The following RYR2 variants were observed in gnomAD, a reference collection of about 807,000 sequenced individuals.
RYR2 encodes the protein cardiac muscle ryanodine receptor-calcium release channel.
Under a neutral mutation model 601.1 loss-of-function variants are expected in RYR2, and 227 were observed. The ratio of observed to expected loss-of-function variants is 0.38; its 90% CI spans 0.34 to 0.42. RYR2 has a LOEUF of 0.42. RYR2 is among the 10% of genes least tolerant of loss of function. The pLI, the probability that RYR2 is intolerant of heterozygous loss-of-function variation, is 1.00. For missense variants in RYR2, 4,646 were observed against 6,156.5 expected (o/e 0.75, Z 8.21); for synonymous variants, 2,223 against 2,175.1 (o/e 1.02, Z -0.61).
intron 1 of RYR2, among the ~76,000 whole-genome samples, chr1:237,066,495 G>A (rs1159155867): frequency 3.9e-5 from 6 of 152,232 alleles, no homozygotes; most frequent in South Asian, 2.1e-4. Flanking sequence ...CCACACCCTC[G>A]TCAGCATTTG....
At chr1:237,549,962 T>C (rs1019116778) in intron 26 of RYR2, among the ~76,000 whole-genome samples, 3 of 152,218 alleles carry the variant, frequency 2.0e-5, no homozygotes, top group Non-Finnish European at 4.4e-5. Flanking sequence ...CAGTTTAACA[T>C]TGGAGCCTCT....
intron 1 of RYR2, among the ~76,000 whole-genome samples, chr1:237,056,267 A>C (rs947466838): frequency 2.1e-5 from 3 of 144,726 alleles, no homozygotes; most frequent in African/African-American, 7.9e-5. Context: ...TGCATGTGTG[A>C]GGACTAGAGA....
intron 14 of RYR2, among the ~76,000 whole-genome samples, chr1:237,453,898 C>T (rs1340614155): frequency 3.3e-5 from 5 of 151,918 alleles, no homozygotes; most frequent in East Asian, 1.9e-4. Flanking sequence ...ATATATTTAC[C>T]GTTTCATAAG....
chr1:237,742,270 C>CTTTTT, intron 79 of RYR2, 26 bp from the exon 80 acceptor site: 2 of 1,183,484 alleles, frequency 1.7e-6, no homozygotes, highest in Non-Finnish European at 2.3e-6. Flanking sequence ...TTCCTGTCTC[C>CTTTTT]TTTTTTTTTT....
chr1:237,193,497 C>T (rs372933932), intron 1 of RYR2, among the ~76,000 whole-genome samples: 1 of 152,074 alleles, frequency 6.6e-6, no homozygotes, highest in South Asian at 2.1e-4. Flanking sequence ...TTTTGAGTGA[C>T]TCCTTCTAAC....
chr1:237,604,275 A>T (rs868209498), intron 35 of RYR2, among the ~76,000 whole-genome samples: 2 of 152,356 alleles, frequency 1.3e-5, no homozygotes, highest in Middle Eastern at 3.4e-3. Context: ...AACTCACTCA[A>T]AACCACTCAA....
At chr1:237,378,704 A>G (rs1701223094) in intron 8 of RYR2, among the ~76,000 whole-genome samples, 1 of 152,248 alleles carries the variant, frequency 6.6e-6, no homozygotes, top group Non-Finnish European at 1.5e-5. Context: ...CCTTTGTTCT[A>G]TAAACATGAA....
chr1:237,766,324 C>T (rs1316674590), intron 84 of RYR2, among the ~76,000 whole-genome samples: 1 of 152,118 alleles, frequency 6.6e-6, no homozygotes, highest in Non-Finnish European at 1.5e-5. Flanking sequence ...TGCTAGACTC[C>T]ACTAACAGTA....
intron 3 of RYR2, among the ~76,000 whole-genome samples, chr1:237,348,555 C>T (rs1698494103): frequency 6.6e-6 from 1 of 152,160 alleles, no homozygotes; most frequent in South Asian, 2.1e-4. Context: ...TGAAAACCTG[C>T]CTTCAATCTA....
intron 3 of RYR2, among the ~76,000 whole-genome samples, chr1:237,332,792 G>T (rs939361675): frequency 6.6e-6 from 1 of 152,094 alleles, no homozygotes; most frequent in Non-Finnish European, 1.5e-5. Context: ...ATGAGGTTGG[G>T]CTGGGCAAAT....
At chr1:237,661,562 G>C (rs762991319) in intron 56 of RYR2, among the ~76,000 whole-genome samples, 2 of 152,212 alleles carry the variant, frequency 1.3e-5, no homozygotes, top group Non-Finnish European at 2.9e-5. Flanking sequence ...AATGAAAACA[G>C]TACATCATGT....
intron 48 of RYR2, among the ~76,000 whole-genome samples, 172 bp downstream of exon 48, chr1:237,643,619 C>CAT (rs1681808034): frequency 6.8e-6 from 1 of 147,338 alleles, no homozygotes; most frequent in Non-Finnish European, 1.5e-5. Flanking sequence ...TAATTTTTTC[C>CAT]TTTTTTTTTT....
chr1:237,465,220 C>T (rs1418516090), intron 16 of RYR2, among the ~76,000 whole-genome samples: 1 of 148,810 alleles, frequency 6.7e-6, no homozygotes, highest in Non-Finnish European at 1.5e-5. Flanking sequence ...ATCTTTTACT[C>T]ATTAACAGAT....
chr1:237,111,896 A>G (rs921090871), intron 1 of RYR2, among the ~76,000 whole-genome samples: 33 of 152,038 alleles, frequency 2.2e-4, no homozygotes, highest in African/African-American at 7.5e-4. Context: ...AGAAGGACAA[A>G]ATGTAATTTA....
chr1:237,749,219 G>A (rs1473770855), intron 80 of RYR2, among the ~76,000 whole-genome samples: 1 of 152,156 alleles, frequency 6.6e-6, no homozygotes, highest in African/African-American at 2.4e-5. Flanking sequence ...ATGCAAGGCA[G>A]CAGACTCATT....
chr1:237,704,171 A>G (rs552688067), intron 66 of RYR2, among the ~76,000 whole-genome samples: 10 of 152,122 alleles, frequency 6.6e-5, no homozygotes, highest in Non-Finnish European at 7.4e-5. Flanking sequence ...CTCAATGAAG[A>G]ATGCCTTGAG....
At chr1:237,826,413 G>A (rs1663093264) in intron 101 of RYR2, among the ~76,000 whole-genome samples, 3 of 152,256 alleles carry the variant, frequency 2.0e-5, no homozygotes, top group Admixed American at 2.0e-4. Flanking sequence ...ACTAACACAA[G>A]AACAGAAAAC....
intron 80 of RYR2, among the ~76,000 whole-genome samples, chr1:237,754,869 G>A (rs1225575526): frequency 2.6e-5 from 4 of 152,188 alleles, no homozygotes; most frequent in Non-Finnish European, 4.4e-5. Flanking sequence ...GACTTCACAG[G>A]AAGAGGTTTA....
chr1:237,590,528 ATGTGTGGACCGCATT>A, intron 30 of RYR2, 97 bp from the exon 31 acceptor site: 1 of 749,828 alleles, frequency 1.3e-6, no homozygotes, highest in Admixed American at 2.5e-5. Flanking sequence ...AAATGATGCC[ATGTGTGGACCGCATT>A]TGGGATTCTG....
Sources: gnomAD v4.1 joint callset for allele counts (sites outside exome capture counted in the v4.1 genomes callset) on GRCh38, gnomAD v4.1.1 for gene constraint, MANE v1.5 for transcripts, NCBI Gene and HGNC (gene_info 2026-07-23, HGNC 2026-07-21) for gene names.